GALNTL6: variants seen among roughly 807,000 people sequenced by gnomAD.
The protein encoded by GALNTL6 is polypeptide N-acetylgalactosaminyltransferase-like 6.
Under a neutral mutation model 73.7 loss-of-function variants are expected in GALNTL6, and 46 were observed. The ratio of observed to expected loss-of-function variants is 0.62; its 90% CI spans 0.49 to 0.80. The LOEUF (loss-of-function observed/expected upper bound fraction) is 0.80. Among genes scored for constraint, GALNTL6 ranks in the 30% least tolerant of loss-of-function variants. The pLI is 0.00. For synonymous variants in GALNTL6, 259 were observed against 263.7 expected, an observed-to-expected ratio of 0.98 and a Z score of 0.17; for missense variants, 604 against 755.0, an observed-to-expected ratio of 0.80 and a Z score of 2.34.
intron 7 of GALNTL6, among the ~76,000 whole-genome samples, chr4:172,840,245 G>C (rs1261375304): frequency 6.6e-6 from 1 of 152,100 alleles, no homozygotes; most frequent in Non-Finnish European, 1.5e-5. Flanking sequence ...TAATGTTAAG[G>C]CACTTCTTAA....
chr4:171,993,044 C>G (rs1444731839), intron 2 of GALNTL6, among the ~76,000 whole-genome samples: 5 of 151,288 alleles, frequency 3.3e-5, no homozygotes, highest in Non-Finnish European at 7.4e-5. Context: ...TTAAGTCCCC[C>G]CTTGAGATGG....
At chr4:172,907,828 G>A (rs1746984045) in intron 8 of GALNTL6, among the ~76,000 whole-genome samples, 1 of 152,102 alleles carries the variant, frequency 6.6e-6, no homozygotes, top group Admixed American at 6.5e-5. Context: ...TTTGTTCTTA[G>A]GATAGATCTT....
At chr4:172,831,157 C>CAAAAAAAAAAAAAAAAAAAAAAAAAA (rs60870698) in intron 7 of GALNTL6, among the ~76,000 whole-genome samples, 1 of 63,882 alleles carries the variant, frequency 1.6e-5, no homozygotes, top group Non-Finnish European at 2.8e-5. Flanking sequence ...GACTCCCTCT[C>CAAAAAAAAAAAAAAAAAAAAAAAAAA]AAAAAAAAAA....
rs557361293 is a variant in GALNTL6, at chr4:172,854,320, C to T, written c.924-28470C>T. 2.6e-5 allele frequency among the ~76,000 whole-genome samples: 4 copies of T among 152,286 alleles called. No individual in the cohort carries two copies. In the South Asian group the frequency reaches 8.3e-4, roughly 32 times the overall value. On this transcript the variant is annotated intron_variant, in intron 7 of 12. Coordinates refer to ENST00000506823, the MANE Select transcript of GALNTL6 (RefSeq NM_001034845.3). The stretch of plus-strand genomic sequence containing the variant: ...GTGACTATTTAATTTTAAGCTCTTT[C>T]AGCACAGAAAATGTCTACTGTATTT...
intron 5 of GALNTL6, among the ~76,000 whole-genome samples, chr4:172,588,161 T>C (rs1737492916): frequency 6.6e-6 from 1 of 152,306 alleles, no homozygotes; most frequent in South Asian, 2.1e-4. Flanking sequence ...GATCCAAATG[T>C]AAAACATTTG....
intron 8 of GALNTL6, among the ~76,000 whole-genome samples, chr4:172,905,524 GGCAACA>G (rs1401252053): frequency 6.6e-5 from 10 of 151,896 alleles, no homozygotes; most frequent in African/African-American, 2.4e-4. Context: ...ATTCAAACAA[GGCAACA>G]GCTATCACTA....
intron 5 of GALNTL6, among the ~76,000 whole-genome samples, chr4:172,806,052 A>C (rs1032410533): frequency 1.3e-5 from 2 of 152,232 alleles, no homozygotes; most frequent in African/African-American, 4.8e-5. Flanking sequence ...TTTTAATTTA[A>C]AGCCATTTCT....
intron 2 of GALNTL6, among the ~76,000 whole-genome samples, chr4:171,954,843 G>A (rs1738995965): frequency 6.6e-6 from 1 of 152,094 alleles, no homozygotes; most frequent in Non-Finnish European, 1.5e-5. Flanking sequence ...TTAAAAGTGT[G>A]CAGCACTTTC....
At chr4:172,581,042 G>A (rs1234315427) in intron 5 of GALNTL6, among the ~76,000 whole-genome samples, 11 of 152,280 alleles carry the variant, frequency 7.2e-5, no homozygotes, top group East Asian at 5.8e-4. Context: ...GATTACAGGC[G>A]TGAGCCACTG....
chr4:172,718,383 G>A (rs1391104744), intron 5 of GALNTL6, among the ~76,000 whole-genome samples: 2 of 152,096 alleles, frequency 1.3e-5, no homozygotes, highest in Admixed American at 6.5e-5. Context: ...TGTAATCCCA[G>A]CACACTGGGA....
chr4:172,687,353 G>A (rs1050976900), intron 5 of GALNTL6, among the ~76,000 whole-genome samples: 13 of 152,152 alleles, frequency 8.5e-5, no homozygotes, highest in South Asian at 4.1e-4. Flanking sequence ...TTCTTGGCCC[G>A]GCACGGTGGC....
At chr4:172,863,114 A>G (rs1744482425) in intron 7 of GALNTL6, among the ~76,000 whole-genome samples, 1 of 152,238 alleles carries the variant, frequency 6.6e-6, no homozygotes, top group South Asian at 2.1e-4. Flanking sequence ...CAGAGGGTGT[A>G]TGGAAATGCC....
chr4:172,341,498 T>C (rs1332654482), intron 4 of GALNTL6, among the ~76,000 whole-genome samples: 1 of 150,346 alleles, frequency 6.7e-6, no homozygotes, highest in South Asian at 2.1e-4. Context: ...TAGTTGGTAA[T>C]ATGGTTTGGC....
At chr4:172,429,557 C>T (rs1274369931) in intron 5 of GALNTL6, among the ~76,000 whole-genome samples, 2 of 152,104 alleles carry the variant, frequency 1.3e-5, no homozygotes, top group Non-Finnish European at 1.5e-5. Context: ...GAGAGGTACA[C>T]AAAACTAGAG....
intron 2 of GALNTL6, among the ~76,000 whole-genome samples, chr4:172,060,009 A>G (rs996004677): frequency 1.8e-4 from 27 of 152,230 alleles, no homozygotes; most frequent in Non-Finnish European, 3.2e-4. Context: ...TCACTTAACT[A>G]AAATTTGGCT....
chr4:172,399,958 C>T (rs192199074), intron 5 of GALNTL6, among the ~76,000 whole-genome samples: 26 of 152,262 alleles, frequency 1.7e-4, no homozygotes, highest in Non-Finnish European at 2.5e-4. Context: ...TCTACTCCTA[C>T]GCCATTTGTT....
At chr4:172,755,592 GTC>G (rs1737709195) in intron 5 of GALNTL6, among the ~76,000 whole-genome samples, 1 of 152,138 alleles carries the variant, frequency 6.6e-6, no homozygotes, top group Non-Finnish European at 1.5e-5. Flanking sequence ...CAAAACTACA[GTC>G]TTTCTTATTT....
intron 2 of GALNTL6, among the ~76,000 whole-genome samples, chr4:171,905,906 T>C (rs1450766770): frequency 2.7e-5 from 4 of 150,164 alleles, no homozygotes; most frequent in Non-Finnish European, 5.9e-5. Context: ...GGGTACATAA[T>C]GAAATGAAGG....
At chr4:172,348,783 A>T (rs955550636) in intron 5 of GALNTL6, 94 bp downstream of exon 5, 3 of 756,530 alleles carry the variant, frequency 4.0e-6, no homozygotes, top group Non-Finnish European at 6.1e-6. Flanking sequence ...CTTCTTTCTG[A>T]TTCCATCTGA....
Sources: gnomAD v4.1 joint callset for allele counts (sites outside exome capture counted in the v4.1 genomes callset) on GRCh38, gnomAD v4.1.1 for gene constraint, MANE v1.5 for transcripts, NCBI Gene and HGNC (gene_info 2026-07-23, HGNC 2026-07-21) for gene names.